ZMAT3: variants seen among roughly 807,000 people sequenced by gnomAD.
ZMAT3 encodes the protein zinc finger matrin-type 3, also known as zinc finger matrin-type protein 3.
A neutral mutation model predicts 32.3 loss-of-function variants in ZMAT3; 17 were observed. The ratio of observed to expected loss-of-function variants is 0.53; its 90% CI spans 0.36 to 0.79. The LOEUF (loss-of-function observed/expected upper bound fraction) is 0.79, where lower values mean the gene tolerates loss of function less well. Among genes scored for constraint, ZMAT3 ranks in the 30% least tolerant of loss-of-function variants. The pLI, the probability that ZMAT3 is intolerant of heterozygous loss-of-function variation, is 0.00. For missense variants in ZMAT3, 329 were observed against 359.7 expected (o/e 0.91, Z 0.69); for synonymous variants, 120 against 133.1 (o/e 0.90, Z 0.68).
intron 2 of ZMAT3, among the ~76,000 whole-genome samples, chr3:179,056,595 A>G (rs1373426821): frequency 6.6e-6 from 1 of 152,232 alleles, no homozygotes; most frequent in Non-Finnish European, 1.5e-5. Flanking sequence ...ATCCAGCAGC[A>G]GGACTGAGGG....
In ZMAT3 at chr3:179,024,735, A is replaced by C. The variant is rs1718766608; in HGVS notation, c.*282T>G. 2 of 334,394 alleles carry C rather than the reference A, an allele frequency of 6.0e-6. No homozygotes were observed. The highest frequency in any genetic ancestry group is 5.2e-5 in the East Asian group (1 of 19,310). 20.7% of individuals were successfully genotyped at this position (334,394 alleles called of 1,614,324 possible). A position where few individuals can be genotyped will look rare whatever the true frequency, so the allele number is the denominator to read the frequency against. ...GTTGACCAGAACTTGAGCAAGATAA[A>C]AAGTTATTTCTGATGGGGTAGGTAG... On this transcript the variant is annotated 3_prime_UTR_variant, in exon 6 of 6. Coordinates refer to ENST00000311417, the MANE Select transcript of ZMAT3 (RefSeq NM_022470.4).
intron 2 of ZMAT3, among the ~76,000 whole-genome samples, chr3:179,064,678 G>A (rs1045603432): frequency 3.9e-5 from 6 of 152,030 alleles, no homozygotes; most frequent in Admixed American, 1.3e-4. Flanking sequence ...CTATCTTCCC[G>A]CCTCAGCCTC....
At position 179,024,995 on chromosome 3, in the gene ZMAT3, C is replaced by T; in HGVS notation, c.*22G>A. The T allele has an allele frequency of 6.2e-7, 1 of 1,612,328 alleles. No homozygotes were observed. The highest frequency in any genetic ancestry group is 1.1e-5 in the South Asian group (1 of 90,982). Reference sequence around the variant, plus strand: ...GGCAAACAACAGGCAGGAAAAGCTGCTCTATCTTAATATGATAATCACTAT... The same window carrying T: ...GGCAAACAACAGGCAGGAAAAGCTGTTCTATCTTAATATGATAATCACTAT... On this transcript the variant is annotated 3_prime_UTR_variant, in exon 6 of 6. Transcript: ENST00000311417.
At chr3:179,048,454 A>G (rs1180760670) in intron 2 of ZMAT3, among the ~76,000 whole-genome samples, 1 of 152,262 alleles carries the variant, frequency 6.6e-6, no homozygotes, top group Non-Finnish European at 1.5e-5. Flanking sequence ...TCAGATTAAC[A>G]GCAGATGTCT....
chr3:179,054,791 C>T (rs1327454578), intron 2 of ZMAT3, among the ~76,000 whole-genome samples: 4 of 152,188 alleles, frequency 2.6e-5, no homozygotes, highest in African/African-American at 9.7e-5. Context: ...AGCAGGGTGT[C>T]CACTGTGCTC....
chr3:179,050,280 AT>A (rs1720482536), intron 2 of ZMAT3, among the ~76,000 whole-genome samples: 1 of 152,194 alleles, frequency 6.6e-6, no homozygotes, highest in Non-Finnish European at 1.5e-5. Context: ...TCAATTAGAA[AT>A]GAAATGGGAG....
At chr3:179,065,502 A>G (rs1167866125) in intron 2 of ZMAT3, among the ~76,000 whole-genome samples, 1 of 152,228 alleles carries the variant, frequency 6.6e-6, no homozygotes, top group African/African-American at 2.4e-5. Context: ...ATGTATCATC[A>G]GTAGCACCTT....
Position 179,025,026 on chromosome 3 carries a change from T to G in ZMAT3, c.861A>C (p.Gly287=). Residue 287 remains glycine, a synonymous_variant, in exon 6 of 6, where the codon GGA becomes GGC. Coordinates refer to ENST00000311417, the MANE Select transcript of ZMAT3 (RefSeq NM_022470.4). The part of the protein sequence containing the change: ...QRYRNEMENL[G]YV ...CTTAATATGATAATCACTATACATA[T>G]CCCAGATTCTCCATCTCATTCCTGT... 1 of 1,614,120 alleles carries G rather than the reference T, an allele frequency of 6.2e-7. No individual in the cohort carries two copies. Among genetic ancestry groups the G allele is most frequent in the Non-Finnish European group, 8.5e-7 (1 of 1,179,980 alleles).
At position 179,020,985 on chromosome 3, in the gene ZMAT3, T is replaced by G. The variant is rs1291434571; in HGVS notation, c.*4032A>C. On this transcript the variant is annotated 3_prime_UTR_variant, in exon 6 of 6. Coordinates refer to ENST00000311417, the MANE Select transcript of ZMAT3 (RefSeq NM_022470.4). ...GATCTCGTGCTTCTTGTTAGCTTTT[T>G]AAGTCAGGGGAATGTAAGGATGATG... 1.3e-5 allele frequency: 2 copies of G among 151,894 alleles called. No homozygotes were observed. The allele number at this position is 151,894 out of a possible 1,614,324, so 9.4% of individuals were successfully genotyped here.
Position 179,067,611 on chromosome 3 carries a change from C to G in ZMAT3, c.142G>C (p.Ala48Pro). Residue 48 changes from alanine (A) to proline (P), a missense_variant, in exon 2 of 6, where the codon GCA becomes CCA. By Grantham distance (27) the Ala-to-Pro change is conservative (BLOSUM62 -1). Coordinates refer to ENST00000311417, the MANE Select transcript of ZMAT3 (RefSeq NM_022470.4). ...CCCTTCGATAACTCTTCTTCCCCTG[C>G]AAGAGGCAAGGAAGCCTCCTGCCCA... ...PFGQEASLPL[A>P]GEEELSKGGE... The G allele has an allele frequency of 1.2e-6, 2 of 1,614,218 alleles. No individual in the cohort carries two copies. Among genetic ancestry groups the G allele is most frequent in the Non-Finnish European group, 1.7e-6 (2 of 1,180,042 alleles).
In ZMAT3 at chr3:179,046,491, G is replaced by A. The variant is rs1045719012; in HGVS notation, c.271-15492C>T. Among the ~76,000 whole-genome samples, 2 of 152,198 alleles carry A rather than the reference G, an allele frequency of 1.3e-5. No homozygotes were observed. The highest frequency in any genetic ancestry group is 2.4e-5 in the African/African-American group (1 of 41,460). On this transcript the variant is annotated intron_variant, in intron 2 of 5. Coordinates refer to ENST00000311417, the MANE Select transcript of ZMAT3 (RefSeq NM_022470.4). This position sits in a 1 kb window ranked among gnomAD's most constrained non-coding sequence, Gnocchi z 4.3. ...ACTACAGCAGGAACATACCAGGAAA[G>A]CGGAGGGTATTCACAGGCCCTTTGA... is the stretch of plus-strand genomic sequence containing the variant.
At chr3:179,047,873 G>T (rs1720329688) in intron 2 of ZMAT3, among the ~76,000 whole-genome samples, 1 of 151,840 alleles carries the variant, frequency 6.6e-6, no homozygotes, top group Non-Finnish European at 1.5e-5. Flanking sequence ...AAAAAAGGAG[G>T]CACCAGAGAA....
At position 179,023,093 on chromosome 3, in the gene ZMAT3, A is replaced by T. The variant is rs1295523486; in HGVS notation, c.*1924T>A. Reference sequence around the variant, plus strand: ...GTCTTACCCATATAAAATATAGTAAATAGATAAAATGTAGTTAATGAATAT... The same window carrying T: ...GTCTTACCCATATAAAATATAGTAATTAGATAAAATGTAGTTAATGAATAT... On this transcript the variant is annotated 3_prime_UTR_variant, in exon 6 of 6. Coordinates refer to ENST00000311417, the MANE Select transcript of ZMAT3 (RefSeq NM_022470.4). 6.6e-6 allele frequency: 1 copy of T among 152,166 alleles called. No individual in the cohort carries two copies. Among genetic ancestry groups the T allele is most frequent in the African/African-American group, 2.4e-5 (1 of 41,440 alleles). The allele number at this position is 152,166 out of a possible 1,614,324, so 9.4% of individuals were successfully genotyped here. A position where few individuals can be genotyped will look rare whatever the true frequency, so the allele number is the denominator to read the frequency against.
At chr3:179,028,225 A>G (rs1023852748) in intron 3 of ZMAT3, among the ~76,000 whole-genome samples, 6 of 152,192 alleles carry the variant, frequency 3.9e-5, no homozygotes, top group African/African-American at 1.4e-4. Flanking sequence ...TCCAGGAGGG[A>G]TACATAGTCA....
In ZMAT3 at chr3:179,020,281, G is replaced by A. The variant is rs911078668; in HGVS notation, c.*4736C>T. 2.6e-5 allele frequency: 4 copies of A among 152,212 alleles called. No individual in the cohort carries two copies. In the East Asian group the frequency reaches 7.7e-4, roughly 29 times the overall value. 9.4% of individuals were successfully genotyped at this position (152,212 alleles called of 1,614,324 possible). A position where few individuals can be genotyped will look rare whatever the true frequency, so the allele number is the denominator to read the frequency against. Reference sequence around the variant, plus strand: ...ACGTTTTTTGGTAGCTACCCAGAAAGGAAGTTTACAAATGTTCCTCCCATT... The same window carrying A: ...ACGTTTTTTGGTAGCTACCCAGAAAAGAAGTTTACAAATGTTCCTCCCATT... On this transcript the variant is annotated 3_prime_UTR_variant, in exon 6 of 6. Transcript: ENST00000311417.
Position 179,019,426 on chromosome 3 carries a change from T to C in ZMAT3, c.*5591A>G, listed in dbSNP as rs1185929892. 1 of 152,080 alleles carries C rather than the reference T, an allele frequency of 6.6e-6. No homozygotes were observed. The highest frequency in any genetic ancestry group is 1.5e-5 in the Non-Finnish European group (1 of 68,000). The allele number at this position is 152,080 out of a possible 1,614,324, so 9.4% of individuals were successfully genotyped here. On this transcript the variant is annotated 3_prime_UTR_variant, in exon 6 of 6. Transcript: ENST00000311417. The stretch of plus-strand genomic sequence containing the variant: ...ATTGCCTAAAATTTACTTTGGAATG[T>C]TCTTTAAAAAAAAAATCTGATGGAT...
chr3:179,027,899 A>AC, intron 3 of ZMAT3, 87 bp from the exon 4 acceptor site: 1 of 1,382,500 alleles, frequency 7.2e-7, no homozygotes, highest in Non-Finnish European at 9.7e-7. Flanking sequence ...AGAGCTGAAA[A>AC]ACAACCAAAG....
At chr3:179,066,464 A>C (rs548798979) in intron 2 of ZMAT3, among the ~76,000 whole-genome samples, 1 of 152,352 alleles carries the variant, frequency 6.6e-6, no homozygotes, top group African/African-American at 2.4e-5. Context: ...CTTTGGGATC[A>C]AAACAAAACA....
In ZMAT3 at chr3:179,027,635, G is replaced by A. The variant is rs768049823; in HGVS notation, c.557+11C>T. The A allele has an allele frequency of 8.7e-6, 14 of 1,613,910 alleles. No individual in the cohort carries two copies. The highest frequency in any genetic ancestry group is 1.2e-5 in the Non-Finnish European group (14 of 1,179,936). On this transcript the variant is annotated intron_variant, in intron 4 of 5. Transcript: ENST00000311417. ...TAACACTTTGGCCTCAGAGAAAATG[G>A]CAATACCTACGAGAATGAGTTACTC... is the stretch of plus-strand genomic sequence containing the variant.
Sources: allele counts gnomAD v4.1 joint callset (sites outside exome capture counted in the v4.1 genomes callset), GRCh38; gene constraint gnomAD v4.1.1; non-coding constraint Gnocchi (gnomAD v3.1); transcripts MANE v1.5; gene names NCBI Gene and HGNC (gene_info 2026-07-23, HGNC 2026-07-21).